Variants in LRP5 observed in about 807,000 individuals in gnomAD.
LRP5 encodes the protein low-density lipoprotein receptor-related protein 5.
Under a neutral mutation model 154.1 loss-of-function variants are expected in LRP5, and 62 were observed. The observed-to-expected ratio is 0.40, with a 90% confidence interval of 0.33 to 0.50. The LOEUF is 0.50. Among genes scored for constraint, LRP5 ranks in the 20% least tolerant of loss-of-function variants. LRP5 has a pLI of 0.55. For missense variants in LRP5, 1,915 were observed against 2,336.7 expected (o/e 0.82, Z 3.72); for synonymous variants, 966 against 1,011.5 (o/e 0.96, Z 0.85).
chr11:68,434,958 T>G (rs1297283439), intron 18 of LRP5, among the ~76,000 whole-genome samples: 1 of 152,220 alleles, frequency 6.6e-6, no homozygotes, highest in Non-Finnish European at 1.5e-5. Context: ...ATTGGAGAAT[T>G]TTATGGAGGC....
At chr11:68,309,400 T>G (rs888935789), upstream of LRP5, among the ~76,000 whole-genome samples, 1 of 151,148 alleles carries the variant, frequency 6.6e-6, no homozygotes. Flanking sequence ...GCCCAGCTAA[T>G]TTTTTGTATT....
At position 68,423,198 on chromosome 11, in the gene LRP5, T is replaced by G. The variant is rs915168326; in HGVS notation, c.3028-291T>G. On this transcript the variant is annotated intron_variant, in intron 13 of 22. Transcript: ENST00000294304. This position sits in a 1 kb window ranked among gnomAD's most constrained non-coding sequence, Gnocchi z 4.7. ...TAAAGTCCGAGGCGGCAAGAGCTCTTCCAGAGGCTGTTGTCCTAATCGCTC... is the reference window on the plus strand; with the variant it reads ...TAAAGTCCGAGGCGGCAAGAGCTCTGCCAGAGGCTGTTGTCCTAATCGCTC... Among the ~76,000 whole-genome samples, 5 of 152,154 alleles carry G rather than the reference T, an allele frequency of 3.3e-5. No homozygotes were observed. The highest frequency in any genetic ancestry group is 1.2e-4 in the African/African-American group (5 of 41,434).
At chr11:68,397,464 C>T (rs1425648448) in intron 7 of LRP5, among the ~76,000 whole-genome samples, 2 of 152,216 alleles carry the variant, frequency 1.3e-5, no homozygotes, top group Non-Finnish European at 2.9e-5. Context: ...CCCCGGCCCT[C>T]TCCCCTGGAA....
intron 5 of LRP5, among the ~76,000 whole-genome samples, chr11:68,366,624 A>T (rs1020171531): frequency 6.6e-6 from 1 of 151,920 alleles, no homozygotes; most frequent in Admixed American, 6.6e-5. Flanking sequence ...AGGATTTTCC[A>T]GGTTTGTATT....
rs560454685 is a variant in LRP5 at position 68,431,157 on chromosome 11, C to T, written c.3763+1457C>T. Among the ~76,000 whole-genome samples the T allele has an allele frequency of 3.4e-4, 51 of 151,596 alleles. No individual in the cohort carries two copies. The South Asian group carries it at 0.01, about 30-fold the overall frequency. ...CCTGTTGGTTCTGTGCTCTGCTCAGCGACCTTTCTCCCGTGGGAGTTCCTG... is the reference window on the plus strand; with the variant it reads ...CCTGTTGGTTCTGTGCTCTGCTCAGTGACCTTTCTCCCGTGGGAGTTCCTG... On this transcript the variant is annotated intron_variant, in intron 17 of 22. Transcript: ENST00000294304.
chr11:68,436,560 C>CCCA (rs397967156), intron 18 of LRP5, among the ~76,000 whole-genome samples: 1 of 152,158 alleles, frequency 6.6e-6, no homozygotes, highest in African/African-American at 2.4e-5. Context: ...CCCACCCCCC[C>CCCA]ACCAACCTGG....
At chr11:68,374,477 G>A (rs560280627) in intron 5 of LRP5, among the ~76,000 whole-genome samples, 8 of 152,212 alleles carry the variant, frequency 5.3e-5, no homozygotes, top group South Asian at 2.1e-4. Context: ...CAGCTCACAC[G>A]GTTCAGGAAG....
chr11:68,435,320 G>C (rs1591324200), intron 18 of LRP5, among the ~76,000 whole-genome samples: 3 of 152,302 alleles, frequency 2.0e-5, no homozygotes, highest in Admixed American at 1.3e-4. Context: ...CCTGAGGCCG[G>C]GTAGATTATG....
At position 68,403,590 on chromosome 11, in the gene LRP5, G is replaced by A. The variant is rs1274560889; in HGVS notation, c.1692G>A (p.Gln564=). Residue 564 remains glutamine (Q), a synonymous_variant, in exon 8 of 23, where the codon CAG becomes CAA. Transcript: ENST00000294304. The stretch of plus-strand genomic sequence containing the variant: ...ACTTCATCTACTGGACTGACTGGCA[G>A]CGCCGCAGCATCGAGCGGGTGCACA... ...LGDFIYWTDW[Q]RRSIERVHKV... The A allele has an allele frequency of 6.2e-7, 1 of 1,614,200 alleles. No homozygotes were observed. Among genetic ancestry groups the A allele is most frequent in the Non-Finnish European group, 8.5e-7 (1 of 1,180,054 alleles).
intron 5 of LRP5, among the ~76,000 whole-genome samples, chr11:68,366,944 C>T (rs908822604): frequency 3.3e-5 from 5 of 150,452 alleles, no homozygotes; most frequent in African/African-American, 1.2e-4. Flanking sequence ...GCACTGGGGA[C>T]CCCGCGGTGC....
At chr11:68,366,426 A>G (rs760920591) in intron 5 of LRP5, among the ~76,000 whole-genome samples, 4 of 151,672 alleles carry the variant, frequency 2.6e-5, no homozygotes, top group Non-Finnish European at 5.9e-5. Flanking sequence ...GTGGATGGAG[A>G]AGTGTCCTTG....
chr11:68,430,248 A>G (rs951772054), intron 17 of LRP5, among the ~76,000 whole-genome samples: 2 of 152,172 alleles, frequency 1.3e-5, no homozygotes, highest in Non-Finnish European at 2.9e-5. Flanking sequence ...ATCTCAGCTC[A>G]CCGCAACCTC....
chr11:68,440,639 GC>G (rs1269600755), intron 21 of LRP5, among the ~76,000 whole-genome samples: 2 of 152,224 alleles, frequency 1.3e-5, no homozygotes, highest in African/African-American at 4.8e-5. Flanking sequence ...GCAGCTGTAT[GC>G]CCCTAAGGTG....
At chr11:68,398,346 C>T (rs912560530) in intron 7 of LRP5, among the ~76,000 whole-genome samples, 5 of 152,188 alleles carry the variant, frequency 3.3e-5, no homozygotes, top group African/African-American at 4.8e-5. Context: ...AGCTGGCAGC[C>T]GGCGGCCGGC....
chr11:68,411,316 T>A (rs1565088663), intron 10 of LRP5, 120 bp from the exon 11 acceptor site: 6 of 1,098,872 alleles, frequency 5.5e-6, no homozygotes, highest in Non-Finnish European at 6.6e-6. Context: ...TGCGCGTGGC[T>A]TTCTCCAGGA....
At chr11:68,440,834 TC>T (rs1309492209) in intron 21 of LRP5, among the ~76,000 whole-genome samples, 2 of 152,038 alleles carry the variant, frequency 1.3e-5, no homozygotes, top group Non-Finnish European at 2.9e-5. Context: ...TGGTGTGATC[TC>T]TAGGCTCACC....
At chr11:68,378,952 C>T (rs1481904244) in intron 5 of LRP5, among the ~76,000 whole-genome samples, 1 of 151,918 alleles carries the variant, frequency 6.6e-6, no homozygotes, top group African/African-American at 2.4e-5. Flanking sequence ...GAGGCTGAGG[C>T]AGGAGAATCG....
At position 68,413,710 on chromosome 11, in the gene LRP5, C is replaced by T; in HGVS notation, c.2525C>T (p.Ala842Val). 1.2e-6 allele frequency: 2 copies of T among 1,613,750 alleles called. No homozygotes were observed. The highest frequency in any genetic ancestry group is 1.7e-6 in the Non-Finnish European group (2 of 1,180,030). ...GCAGGTCAGGAGCGGGTCGTGATTGCCGACGATCTCCCGCACCCGTTCGGT... is the reference window on the plus strand; with the variant it reads ...GCAGGTCAGGAGCGGGTCGTGATTGTCGACGATCTCCCGCACCCGTTCGGT... ...NMLGQERVVIADDLPHPFGLT... is the reference protein window; with the variant it reads ...NMLGQERVVIVDDLPHPFGLT... Residue 842 changes from alanine (A) to valine (V), a missense_variant, in exon 12 of 23, where the codon GCC (alanine) becomes GTC (valine). Ala to Val is a moderately conservative substitution (Grantham distance 64). Transcript: ENST00000294304. The surrounding 1 kb of genome is among the most constrained non-coding windows in gnomAD (Gnocchi z 5.1).
At position 68,388,868 on chromosome 11, in the gene LRP5, G is replaced by A. The variant is rs539775880; in HGVS notation, c.1413-1013G>A. ...CCCAGGGGAGCCCCCAGGGACTCTG[G>A]TCACTGGGCTTGCCGCTGGCATGCT... On this transcript the variant is annotated intron_variant, in intron 6 of 22. Transcript: ENST00000294304. 4.3e-4 allele frequency among the ~76,000 whole-genome samples: 65 copies of A among 152,286 alleles called. No homozygotes were observed. The Middle Eastern group carries it at 0.014, about 32-fold the overall frequency.
Sources: gnomAD v4.1 joint callset for allele counts (sites outside exome capture counted in the v4.1 genomes callset) on GRCh38, gnomAD v4.1.1 for gene constraint, Gnocchi (gnomAD v3.1) non-coding constraint, MANE v1.5 for transcripts, NCBI Gene and HGNC (gene_info 2026-07-23, HGNC 2026-07-21) for gene names.